Variants in MCTP1 observed in about 807,000 individuals in gnomAD.
The protein encoded by MCTP1 is multiple C2 and transmembrane domain-containing protein 1.
MCTP1 carries 69 observed loss-of-function variants against 120.6 expected under a neutral mutation model. The observed-to-expected ratio is 0.57, with a 90% CI of 0.47 to 0.70. The LOEUF (loss-of-function observed/expected upper bound fraction) is 0.70. MCTP1 is among the 30% of genes least tolerant of loss of function. The probability of loss-of-function intolerance (pLI) is 0.00; values close to 1 mark genes in which losing one functional copy is unlikely to be tolerated. For synonymous variants in MCTP1, 529 were observed against 493.1 expected, an observed-to-expected ratio of 1.07 and a Z score of -0.96; for missense variants, 1,203 against 1,248.8, an observed-to-expected ratio of 0.96 and a Z score of 0.55.
Position 94,854,068 on chromosome 5 carries a change from G to T in MCTP1, c.2436+14265C>A, listed in dbSNP as rs1266618411. 3.3e-5 allele frequency among the ~76,000 whole-genome samples: 5 copies of T among 151,862 alleles called. No individual in the cohort carries two copies. In the East Asian group the frequency reaches 9.8e-4, roughly 30 times the overall value. On this transcript the variant is annotated intron_variant, in intron 17 of 22. Transcript: ENST00000515393. Reference sequence around the variant, plus strand: ...GACTGGAGGAAGATGAAGATGGGATGGGTTTAAGGATAGAAAAGTAGTCAC... The same window carrying T: ...GACTGGAGGAAGATGAAGATGGGATTGGTTTAAGGATAGAAAAGTAGTCAC...
intron 12 of MCTP1, among the ~76,000 whole-genome samples, chr5:94,882,400 C>A (rs1286315855): frequency 6.6e-6 from 1 of 152,022 alleles, no homozygotes; most frequent in Non-Finnish European, 1.5e-5. Context: ...TATCGTTTAA[C>A]CCAAGTATCT....
At chr5:94,800,645 T>C (rs766976861) in intron 17 of MCTP1, among the ~76,000 whole-genome samples, 3 of 152,216 alleles carry the variant, frequency 2.0e-5, no homozygotes, top group Admixed American at 2.0e-4. Flanking sequence ...TCATCTTTAA[T>C]ATTTCTCTAA....
In MCTP1 at chr5:95,040,370, G is replaced by A. The variant is rs371668811; in HGVS notation, c.721-22886C>T. Among the ~76,000 whole-genome samples, 41 of 151,918 alleles carry A rather than the reference G, an allele frequency of 2.7e-4. 2 individuals are homozygous for A. The South Asian group carries it at 5.0e-3, about 19-fold the overall frequency. ...CCAGAATCGCTTGAACCTGAGAGGC[G>A]GAAGGTTGCAGCAAGCTGAGATGGT... is the stretch of plus-strand genomic sequence containing the variant. On this transcript the variant is annotated intron_variant, in intron 1 of 22. Coordinates refer to ENST00000515393, the MANE Select transcript of MCTP1 (RefSeq NM_024717.7).
intron 1 of MCTP1, among the ~76,000 whole-genome samples, chr5:95,176,574 A>G (rs968307471): frequency 2.0e-5 from 3 of 152,144 alleles, no homozygotes; most frequent in Non-Finnish European, 4.4e-5. Context: ...TTCTCCAATA[A>G]GTTTTCATTT....
intron 2 of MCTP1, among the ~76,000 whole-genome samples, chr5:94,954,169 C>CATGTATATATATGCATATATATATATAT (rs1821857105): frequency 1.2e-5 from 1 of 80,042 alleles, no homozygotes; most frequent in Non-Finnish European, 2.3e-5. Flanking sequence ...CATATATATA[C>CATGTATATATATGCATATATATATATAT]ATATATATAT....
intron 1 of MCTP1, among the ~76,000 whole-genome samples, chr5:95,051,793 A>G (rs1168726544): frequency 3.3e-5 from 5 of 152,164 alleles, no homozygotes; most frequent in African/African-American, 9.7e-5. Flanking sequence ...GAACAAAAAA[A>G]CAAACACAAC....
At chr5:94,923,263 C>T (rs530739838) in intron 7 of MCTP1, among the ~76,000 whole-genome samples, 3 of 152,014 alleles carry the variant, frequency 2.0e-5, no homozygotes, top group Admixed American at 6.5e-5. Flanking sequence ...TAAGCATATA[C>T]CAAGTGTGAA....
intron 1 of MCTP1, among the ~76,000 whole-genome samples, chr5:95,185,476 A>G (rs1479022204): frequency 1.3e-5 from 2 of 152,180 alleles, no homozygotes; most frequent in Non-Finnish European, 2.9e-5. Flanking sequence ...AGGATCATTC[A>G]TGGTTTTTTA....
chr5:95,161,081 C>T (rs1294288803), intron 1 of MCTP1, among the ~76,000 whole-genome samples: 2 of 152,152 alleles, frequency 1.3e-5, no homozygotes, highest in African/African-American at 4.8e-5. Flanking sequence ...TCCAGCAATC[C>T]TACTTCTGGG....
rs199555551 is a variant in MCTP1 at position 95,176,872 on chromosome 5, A to AT, written c.720+106983dup. ...AAAATAAAAATATATATATACCTAC[A>AT]TTTTTTTTTTGAGACAGAGTCTTGC... On this transcript the variant is annotated intron_variant, in intron 1 of 22. Coordinates refer to ENST00000515393, the MANE Select transcript of MCTP1 (RefSeq NM_024717.7). Among the ~76,000 whole-genome samples the AT allele has an allele frequency of 6.8e-3, 1,017 of 148,600 alleles. 10 individuals carry two copies. Among genetic ancestry groups the AT allele is most frequent in the African/African-American group, 0.023 (948 of 40,544 alleles).
chr5:95,180,870 C>T (rs1748524349), intron 1 of MCTP1, among the ~76,000 whole-genome samples: 1 of 152,094 alleles, frequency 6.6e-6, no homozygotes, highest in South Asian at 2.1e-4. Flanking sequence ...CCTTACTTGC[C>T]CTAGCCAAAA....
In MCTP1 at chr5:94,880,073, A is replaced by G. The variant is rs1471766538; in HGVS notation, c.1934-6832T>C. ...AAAGAGGAAGGAGACTATGGGACCT[A>G]TAAAATGAGAAGAGGCCGTGAGAAA... On this transcript the variant is annotated intron_variant, in intron 12 of 22. Transcript: ENST00000515393. 2.0e-5 allele frequency among the ~76,000 whole-genome samples: 3 copies of G among 152,294 alleles called. 1 individual carries two copies. Among genetic ancestry groups the G allele is most frequent in the South Asian group, 4.1e-4 (2 of 4,830 alleles).
At chr5:95,170,511 G>A (rs1459755190) in intron 1 of MCTP1, among the ~76,000 whole-genome samples, 1 of 152,162 alleles carries the variant, frequency 6.6e-6, no homozygotes, top group Admixed American at 6.5e-5. Context: ...ACAGTGGGGT[G>A]TTAAAGTCTC....
chr5:95,217,370 C>T (rs1256522735), intron 1 of MCTP1, among the ~76,000 whole-genome samples: 1 of 152,132 alleles, frequency 6.6e-6, no homozygotes, highest in East Asian at 1.9e-4. Context: ...AACTCCTTAT[C>T]GAAGCACTTA....
chr5:95,165,805 G>A (rs978916447), intron 1 of MCTP1, among the ~76,000 whole-genome samples: 1 of 152,128 alleles, frequency 6.6e-6, no homozygotes, highest in African/African-American at 2.4e-5. Context: ...GATTCTGCCC[G>A]GCTGTTTCCT....
intron 6 of MCTP1, among the ~76,000 whole-genome samples, chr5:94,928,044 G>T (rs920837211): frequency 1.3e-5 from 2 of 152,002 alleles, no homozygotes; most frequent in African/African-American, 4.8e-5. Context: ...TTTTCTGAAA[G>T]AAAAACTATT....
At position 95,112,017 on chromosome 5, in the gene MCTP1, G is replaced by A. The variant is rs577011111; in HGVS notation, c.721-94533C>T. On this transcript the variant is annotated intron_variant, in intron 1 of 22. Coordinates refer to ENST00000515393, the MANE Select transcript of MCTP1 (RefSeq NM_024717.7). ...CCTGTACTCCAGCATATAATGCAGT[G>A]CCACAAATATAGAAAGAATACAACA... is the stretch of plus-strand genomic sequence containing the variant. 8.5e-5 allele frequency among the ~76,000 whole-genome samples: 13 copies of A among 152,232 alleles called. No individual in the cohort carries two copies. In the East Asian group the frequency reaches 2.3e-3, roughly 27 times the overall value.
intron 1 of MCTP1, among the ~76,000 whole-genome samples, chr5:95,043,908 C>T (rs1842754254): frequency 6.6e-6 from 1 of 152,204 alleles, no homozygotes; most frequent in Non-Finnish European, 1.5e-5. Context: ...GCATTCTCTC[C>T]ATTTCCAGCT....
chr5:95,145,565 G>T (rs939241651), intron 1 of MCTP1, among the ~76,000 whole-genome samples: 2 of 152,004 alleles, frequency 1.3e-5, no homozygotes, highest in African/African-American at 4.8e-5. Context: ...TGAGGTATGT[G>T]TCTTCAATGC....
Sources: gnomAD v4.1 joint callset for allele counts (sites outside exome capture counted in the v4.1 genomes callset) on GRCh38, gnomAD v4.1.1 for gene constraint, MANE v1.5 for transcripts, NCBI Gene and HGNC (gene_info 2026-07-23, HGNC 2026-07-21) for gene names.